The following GPR158 variants were observed in gnomAD, a reference collection of about 807,000 sequenced individuals.
GPR158 encodes G protein-coupled receptor 158, also known as metabotropic glycine receptor.
A neutral mutation model predicts 78.2 loss-of-function variants in GPR158; 30 were observed. The ratio of observed to expected loss-of-function variants is 0.38; its 90% CI spans 0.29 to 0.52. The LOEUF is 0.52. Among genes scored for constraint, GPR158 ranks in the 20% least tolerant of loss-of-function variants. The probability of loss-of-function intolerance (pLI) is 0.83; values close to 1 mark genes in which losing one functional copy is unlikely to be tolerated. For synonymous variants in GPR158, 581 were observed against 591.1 expected, an observed-to-expected ratio of 0.98 and a Z score of 0.25; for missense variants, 1,463 against 1,523.5, an observed-to-expected ratio of 0.96 and a Z score of 0.66.
At chr10:25,391,542 G>A (rs1016689311) in intron 2 of GPR158, among the ~76,000 whole-genome samples, 1 of 152,168 alleles carries the variant, frequency 6.6e-6, no homozygotes, top group Non-Finnish European at 1.5e-5. Context: ...AGACTTTCAT[G>A]AGGCCTGTAG....
intron 1 of GPR158, among the ~76,000 whole-genome samples, chr10:25,205,542 T>C (rs1241019563): frequency 1.3e-5 from 2 of 152,110 alleles, no homozygotes; most frequent in Admixed American, 6.6e-5. Flanking sequence ...TCCTTCTTTT[T>C]TGGTGTGGGC....
At chr10:25,534,368 G>A (rs1469035296) in intron 5 of GPR158, among the ~76,000 whole-genome samples, 5 of 151,954 alleles carry the variant, frequency 3.3e-5, no homozygotes, top group Non-Finnish European at 7.4e-5. Flanking sequence ...GGCCAGGCGC[G>A]GTATCTCATG....
At chr10:25,348,396 GACACACACAC>G (rs34088676) in intron 2 of GPR158, among the ~76,000 whole-genome samples, 8,226 of 141,762 alleles carry the variant, frequency 0.058, 562 homozygotes, top group African/African-American at 0.17. Flanking sequence ...TAGGAAGAAA[GACACACACAC>G]ACACACACAC....
At chr10:25,271,147 T>C (rs1854113266) in intron 2 of GPR158, among the ~76,000 whole-genome samples, 1 of 152,204 alleles carries the variant, frequency 6.6e-6, no homozygotes, top group South Asian at 2.1e-4. Context: ...TTTAATCTAG[T>C]TAGTTCATTC....
chr10:25,401,096 C>T (rs1426537008), intron 3 of GPR158, among the ~76,000 whole-genome samples: 2 of 152,156 alleles, frequency 1.3e-5, no homozygotes, highest in Non-Finnish European at 2.9e-5. Flanking sequence ...GAGTCTCACA[C>T]TCTCTTCCTA....
intron 2 of GPR158, among the ~76,000 whole-genome samples, chr10:25,361,468 G>A (rs1018415989): frequency 2.6e-5 from 4 of 151,944 alleles, no homozygotes; most frequent in African/African-American, 9.7e-5. Flanking sequence ...AGAATTGCAG[G>A]ATCATATGGT....
chr10:25,584,952 C>CA (rs1286649911), intron 7 of GPR158, among the ~76,000 whole-genome samples: 1 of 151,702 alleles, frequency 6.6e-6, no homozygotes, highest in Non-Finnish European at 1.5e-5. Flanking sequence ...ATTTAAAAAA[C>CA]AAACAAAACA....
At chr10:25,592,671 T>A (rs16926165) in intron 8 of GPR158, among the ~76,000 whole-genome samples, 25,727 of 151,912 alleles carry the variant, frequency 0.17, 3,508 homozygotes, top group African/African-American at 0.38. Context: ...TGCAAGCATT[T>A]TTCCTTCTAG....
chr10:25,360,288 C>A (rs925517235), intron 2 of GPR158, among the ~76,000 whole-genome samples: 1 of 152,126 alleles, frequency 6.6e-6, no homozygotes, highest in African/African-American at 2.4e-5. Flanking sequence ...GCTTTTGTTG[C>A]CATTGCTTTT....
chr10:25,550,457 C>T (rs975280603), intron 5 of GPR158, among the ~76,000 whole-genome samples: 1 of 151,914 alleles, frequency 6.6e-6, no homozygotes, highest in African/African-American at 2.4e-5. Flanking sequence ...AAGGGATTGC[C>T]AGAAGTGTGG....
At chr10:25,284,830 C>T (rs1287700593) in intron 2 of GPR158, among the ~76,000 whole-genome samples, 1 of 151,954 alleles carries the variant, frequency 6.6e-6, no homozygotes, top group Non-Finnish European at 1.5e-5. Context: ...CTTATTTACT[C>T]AAAGTCTACC....
At chr10:25,321,810 T>C (rs1854951924) in intron 2 of GPR158, among the ~76,000 whole-genome samples, 1 of 152,144 alleles carries the variant, frequency 6.6e-6, no homozygotes, top group South Asian at 2.1e-4. Context: ...CTCTGAAACT[T>C]TACAATAAGG....
rs141955074 is a variant in GPR158, at chr10:25,467,438, C to T, written c.1404+719C>T. Among the ~76,000 whole-genome samples the T allele has an allele frequency of 4.1e-3, 622 of 152,132 alleles. 3 individuals are homozygous for T. Among genetic ancestry groups the T allele is most frequent in the African/African-American group, 0.014 (588 of 41,506 alleles). On this transcript the variant is annotated intron_variant, in intron 5 of 10. Coordinates refer to ENST00000376351, the MANE Select transcript of GPR158 (RefSeq NM_020752.3). ...GAGACTCTTACAGATGAAAATTTGC[C>T]CCCACAAAGGACGACTTTGCAGGAC...
intron 5 of GPR158, among the ~76,000 whole-genome samples, chr10:25,489,687 T>C (rs192198968): frequency 6.6e-6 from 1 of 152,236 alleles, no homozygotes; most frequent in Non-Finnish European, 1.5e-5. Context: ...ACTGCTGCCT[T>C]CCCTTCAGTC....
chr10:25,424,842 G>T (rs928438210), intron 4 of GPR158, among the ~76,000 whole-genome samples: 3 of 152,122 alleles, frequency 2.0e-5, no homozygotes, highest in Non-Finnish European at 4.4e-5. Flanking sequence ...TGTTCTTTTT[G>T]CTTAGGATTA....
chr10:25,382,717 A>T (rs927834108), intron 2 of GPR158, among the ~76,000 whole-genome samples: 6 of 152,192 alleles, frequency 3.9e-5, no homozygotes, highest in African/African-American at 1.4e-4. Flanking sequence ...ACTTGCAAAT[A>T]GTTGTGGGAA....
chr10:25,566,729 A>G (rs1480046259), intron 6 of GPR158, among the ~76,000 whole-genome samples: 1 of 152,236 alleles, frequency 6.6e-6, no homozygotes, highest in East Asian at 1.9e-4. Flanking sequence ...ATAAGTGTCT[A>G]AAACCTATTT....
At chr10:25,187,839 A>G (rs1852709705) in intron 1 of GPR158, among the ~76,000 whole-genome samples, 1 of 152,206 alleles carries the variant, frequency 6.6e-6, no homozygotes, top group Non-Finnish European at 1.5e-5. Flanking sequence ...GAGGAAGTCA[A>G]ATTGTCCCTG....
chr10:25,429,426 G>A (rs1049052945), intron 4 of GPR158, among the ~76,000 whole-genome samples: 16 of 152,062 alleles, frequency 1.1e-4, no homozygotes, highest in African/African-American at 3.6e-4. Context: ...AGTTCCAAAT[G>A]AAGCTTAGTC....
Sources: allele counts gnomAD v4.1 joint callset (sites outside exome capture counted in the v4.1 genomes callset), GRCh38; gene constraint gnomAD v4.1.1; transcripts MANE v1.5; gene names NCBI Gene and HGNC (gene_info 2026-07-23, HGNC 2026-07-21).